ABLIM3: variants seen among roughly 807,000 people sequenced by gnomAD.
The protein encoded by ABLIM3 is actin binding LIM protein family member 3.
ABLIM3 carries 61 observed loss-of-function variants against 109.5 expected under a neutral mutation model. The observed-to-expected ratio is 0.56, with a 90% CI of 0.45 to 0.69. The LOEUF is 0.69. Ranked by LOEUF, ABLIM3 falls within the 30% of genes least tolerant of loss-of-function variation. The probability of loss-of-function intolerance (pLI) is 0.00; values close to 1 mark genes in which losing one functional copy is unlikely to be tolerated. For synonymous variants in ABLIM3, 300 were observed against 324.8 expected (o/e 0.92, Z 0.82); for missense variants, 796 against 889.5 (o/e 0.89, Z 1.34).
At chr5:149,157,652 T>C (rs914781642) in intron 2 of ABLIM3, among the ~76,000 whole-genome samples, 2 of 151,650 alleles carry the variant, frequency 1.3e-5, no homozygotes, top group African/African-American at 4.8e-5. Flanking sequence ...TGGAATTGGA[T>C]AGGGAGATAT....
intron 15 of ABLIM3, chr5:149,244,646 G>C: frequency 1.8e-6 from 1 of 544,166 alleles, no homozygotes; most frequent in South Asian, 2.1e-5. Flanking sequence ...CATGCTATGT[G>C]GTCTTAAGCA....
At chr5:149,197,851 A>G (rs1285471464) in intron 3 of ABLIM3, among the ~76,000 whole-genome samples, 1 of 152,248 alleles carries the variant, frequency 6.6e-6, no homozygotes, top group Non-Finnish European at 1.5e-5. Flanking sequence ...AGTGTGCATC[A>G]GAATCAGCCT....
chr5:149,151,803 C>T (rs1286378160), intron 2 of ABLIM3, among the ~76,000 whole-genome samples: 1 of 152,216 alleles, frequency 6.6e-6, no homozygotes, highest in African/African-American at 2.4e-5. Flanking sequence ...TCCAATCTTC[C>T]TAGTTCCTGG....
Position 149,249,916 on chromosome 5 carries a change from C to T in ABLIM3, c.1729+72C>T, listed in dbSNP as rs182041590. On this transcript the variant is annotated intron_variant, in intron 19 of 23. Transcript: ENST00000309868. The stretch of plus-strand genomic sequence containing the variant: ...ACAGAGCTGTGTCAGCTGCAGTTCT[C>T]CATAGTTCTAATGACCATACAATGT... 3,491 of 1,554,822 alleles carry T rather than the reference C, an allele frequency of 2.2e-3. 34 individuals carry two copies. In the Middle Eastern group the frequency reaches 0.026, roughly 12 times the overall value.
At chr5:149,258,254 T>G in intron 23 of ABLIM3, 37 bp from the exon 24 acceptor site, 2 of 1,594,710 alleles carry the variant, frequency 1.3e-6, no homozygotes, top group Non-Finnish European at 1.7e-6. Context: ...GCTCTCTTTC[T>G]CTGTCCCCCC....
intron 2 of ABLIM3, among the ~76,000 whole-genome samples, chr5:149,153,939 A>G (rs992354666): frequency 1.2e-4 from 18 of 152,212 alleles, no homozygotes; most frequent in South Asian, 4.1e-4. Flanking sequence ...TCGCAGCAGA[A>G]TGCTACTCTC....
At chr5:149,221,178 G>A (rs1581164458) in intron 8 of ABLIM3, among the ~76,000 whole-genome samples, 1 of 152,186 alleles carries the variant, frequency 6.6e-6, no homozygotes, top group Non-Finnish European at 1.5e-5. Context: ...AGAACAGTGA[G>A]TGCAAAGGCC....
chr5:149,175,306 T>A (rs767650140), intron 2 of ABLIM3, among the ~76,000 whole-genome samples: 1 of 152,188 alleles, frequency 6.6e-6, no homozygotes, highest in African/African-American at 2.4e-5. Flanking sequence ...GGCCTCAGAC[T>A]GGGATGGGCA....
At chr5:149,238,127 G>A (rs17109825) in intron 11 of ABLIM3, among the ~76,000 whole-genome samples, 4,872 of 152,242 alleles carry the variant, frequency 0.032, 111 homozygotes, top group African/African-American at 0.065. Flanking sequence ...AGGAAGAGAC[G>A]CTTTTATAAA....
intron 15 of ABLIM3, chr5:149,243,974 C>T (rs1342548439): frequency 6.6e-6 from 1 of 152,304 alleles, no homozygotes; most frequent in African/African-American, 2.4e-5. Flanking sequence ...GCTGCATAGC[C>T]CAGGGCTGGC....
chr5:149,199,924 T>C (rs759858261), intron 4 of ABLIM3, among the ~76,000 whole-genome samples: 4 of 152,192 alleles, frequency 2.6e-5, no homozygotes, highest in Admixed American at 6.5e-5. Context: ...GCCTGAGTAG[T>C]AAAAGGAAGA....
intron 4 of ABLIM3, chr5:149,199,166 A>G (rs1251326480): frequency 2.2e-6 from 1 of 455,100 alleles, no homozygotes; most frequent in Admixed American, 2.4e-5. Context: ...CATTAAGGAG[A>G]TGAAAAAATG....
intron 2 of ABLIM3, among the ~76,000 whole-genome samples, chr5:149,167,374 A>T (rs1010634394): frequency 3.3e-5 from 5 of 152,182 alleles, no homozygotes; most frequent in Non-Finnish European, 7.3e-5. Flanking sequence ...GATGTAACCC[A>T]TCTAAACAGA....
In ABLIM3 at chr5:149,225,667, C is replaced by T. The variant is rs931573387; in HGVS notation, c.758-4982C>T. 2.8e-4 allele frequency among the ~76,000 whole-genome samples: 43 copies of T among 152,078 alleles called. 1 individual carries two copies. The highest frequency in any genetic ancestry group is 6.2e-4 in the Non-Finnish European group (42 of 68,020). On this transcript the variant is annotated intron_variant, in intron 8 of 23. Coordinates refer to ENST00000309868, the MANE Select transcript of ABLIM3 (RefSeq NM_014945.5). ...GTGCACCCATCACCTGAGTGGTATA[C>T]AATGCACCCAATTTGTAGTCTTTTA...
At chr5:149,176,065 G>C (rs558024685) in intron 2 of ABLIM3, among the ~76,000 whole-genome samples, 1 of 152,276 alleles carries the variant, frequency 6.6e-6, no homozygotes, top group Non-Finnish European at 1.5e-5. Flanking sequence ...AGCCAGGCCC[G>C]GGCCATCTGT....
intron 2 of ABLIM3, among the ~76,000 whole-genome samples, chr5:149,155,342 C>A (rs1395965676): frequency 6.6e-6 from 1 of 152,188 alleles, no homozygotes; most frequent in Non-Finnish European, 1.5e-5. Flanking sequence ...AGTGACATTC[C>A]ATATTCTAGG....
chr5:149,259,805 CAAT>C lies in ABLIM3; in HGVS notation c.*1405_*1407del, dbSNP rs1160550426. ...AGGAAGGATGAAGAAGTGAAAATGA[CAAT>C]AATGACTCTCAAGAGGCTGGCGATG... On this transcript the variant is annotated 3_prime_UTR_variant, in exon 24 of 24. Transcript: ENST00000309868. 6 of 587,320 alleles carry C rather than the reference CAAT, an allele frequency of 1.0e-5. No individual in the cohort carries two copies. The highest frequency in any genetic ancestry group is 1.8e-5 in the Non-Finnish European group (6 of 331,712). 36.4% of individuals were successfully genotyped at this position (587,320 alleles called of 1,614,324 possible).
chr5:149,204,294 A>G (rs1758761571), intron 5 of ABLIM3, among the ~76,000 whole-genome samples: 1 of 152,194 alleles, frequency 6.6e-6, no homozygotes. Flanking sequence ...GGAGGAGTGG[A>G]CAGCTGGCTC....
At chr5:149,204,282 A>G (rs1005160666) in intron 5 of ABLIM3, among the ~76,000 whole-genome samples, 1 of 152,178 alleles carries the variant, frequency 6.6e-6, no homozygotes, top group Non-Finnish European at 1.5e-5. Flanking sequence ...AGAGGAACAT[A>G]TGGAGGAGTG....
Sources: gnomAD v4.1 joint callset for allele counts (sites outside exome capture counted in the v4.1 genomes callset) on GRCh38, gnomAD v4.1.1 for gene constraint, MANE v1.5 for transcripts, NCBI Gene and HGNC (gene_info 2026-07-23, HGNC 2026-07-21) for gene names.